Variants in OPCML observed in about 807,000 individuals in gnomAD.
OPCML encodes opioid-binding protein/cell adhesion molecule.
A neutral mutation model predicts 37.8 loss-of-function variants in OPCML; 13 were observed. That is an observed-to-expected ratio of 0.34 (90% CI 0.22 to 0.55). OPCML has a LOEUF of 0.55. Ranked by LOEUF, OPCML falls within the 20% of genes least tolerant of loss-of-function variation. The pLI is 0.91. For missense variants in OPCML, 341 were observed against 435.6 expected (o/e 0.78, Z 1.93); for synonymous variants, 176 against 168.8 (o/e 1.04, Z -0.33).
At chr11:132,600,839 CTTT>C (rs145586468) in intron 3 of OPCML, among the ~76,000 whole-genome samples, 1,731 of 94,004 alleles carry the variant, frequency 0.018, 19 homozygotes, top group South Asian at 0.12. Flanking sequence ...AAATAGTTAA[CTTT>C]TTTTTTTTTT....
chr11:132,937,595 GGTGTGTGTGTGTGTGTGTGT>G (rs58674976), intron 2 of OPCML, among the ~76,000 whole-genome samples: 4 of 88,828 alleles, frequency 4.5e-5, no homozygotes, highest in African/African-American at 1.5e-4. Flanking sequence ...GCGTGTGTGG[GGTGTGTGTGTGTGTGTGTGT>G]GTGTGTGTGT....
chr11:133,346,829 T>A (rs1944012627), intron 1 of OPCML, among the ~76,000 whole-genome samples: 1 of 152,214 alleles, frequency 6.6e-6, no homozygotes, highest in Non-Finnish European at 1.5e-5. Context: ...GGGTTTTCTG[T>A]GCATGTGTGT....
At chr11:132,904,155 T>C (rs1001073365) in intron 2 of OPCML, among the ~76,000 whole-genome samples, 8 of 152,068 alleles carry the variant, frequency 5.3e-5, no homozygotes, top group Non-Finnish European at 1.2e-4. Context: ...CTGGAAAAAA[T>C]CTTGGACACC....
intron 1 of OPCML, chr11:133,024,665 A>C (rs1947515667): frequency 2.3e-6 from 2 of 862,564 alleles, no homozygotes; most frequent in African/African-American, 3.7e-5. Context: ...GACAGTGGTG[A>C]AGATGTTTGG....
chr11:132,469,607 ATGTG>A (rs1457457898), intron 4 of OPCML, among the ~76,000 whole-genome samples: 1 of 100,290 alleles, frequency 1.0e-5, no homozygotes, highest in African/African-American at 4.1e-5. Context: ...GTGTATAGGC[ATGTG>A]TGTATGTGTG....
At chr11:132,633,289 A>G (rs1182818731) in intron 3 of OPCML, among the ~76,000 whole-genome samples, 1 of 148,900 alleles carries the variant, frequency 6.7e-6, no homozygotes, top group East Asian at 2.0e-4. Context: ...TGCAACCTCT[A>G]CCTCCTGGGT....
chr11:132,436,823 G>T, intron 5 of OPCML, 44 bp from the exon 6 acceptor site: 1 of 1,593,186 alleles, frequency 6.3e-7, no homozygotes, highest in Non-Finnish European at 8.6e-7. Flanking sequence ...ATGCACGCAC[G>T]CACACACAGA....
At chr11:132,453,459 G>A (rs1488121786) in intron 4 of OPCML, among the ~76,000 whole-genome samples, 2 of 152,130 alleles carry the variant, frequency 1.3e-5, no homozygotes, top group East Asian at 3.9e-4. Context: ...CCCAGGGCCG[G>A]GTGTAATTCC....
chr11:132,937,502 GTGTA>G (rs1945417221), intron 2 of OPCML, among the ~76,000 whole-genome samples: 2 of 151,328 alleles, frequency 1.3e-5, no homozygotes, highest in Admixed American at 1.3e-4. Flanking sequence ...GAGAGTGTGT[GTGTA>G]TGTGTGTCTG....
intron 1 of OPCML, among the ~76,000 whole-genome samples, chr11:133,023,489 C>G (rs976772121): frequency 2.6e-5 from 4 of 152,166 alleles, no homozygotes; most frequent in African/African-American, 9.7e-5. Context: ...CTATCCATCA[C>G]CTTACCACAC....
intron 2 of OPCML, among the ~76,000 whole-genome samples, chr11:132,749,604 G>T (rs1387704468): frequency 6.6e-6 from 1 of 152,124 alleles, no homozygotes; most frequent in African/African-American, 2.4e-5. Flanking sequence ...TATATTTGTG[G>T]TTGTCCTCAG....
chr11:133,311,482 A>G (rs1249064666), intron 1 of OPCML, among the ~76,000 whole-genome samples: 3 of 152,234 alleles, frequency 2.0e-5, no homozygotes, highest in African/African-American at 7.2e-5. Flanking sequence ...CAAAATGCTC[A>G]GCTGGTGTTC....
intron 4 of OPCML, among the ~76,000 whole-genome samples, chr11:132,507,568 G>A (rs1379994967): frequency 6.6e-6 from 1 of 151,092 alleles, no homozygotes; most frequent in Admixed American, 6.6e-5. Flanking sequence ...TTAATTCAAA[G>A]GTAAAATTTC....
At chr11:133,487,465 G>A (rs1947554145) in intron 1 of OPCML, among the ~76,000 whole-genome samples, 1 of 152,128 alleles carries the variant, frequency 6.6e-6, no homozygotes, top group Admixed American at 6.6e-5. Flanking sequence ...TCTCTGAGAA[G>A]ATTTCCTGAA....
chr11:133,163,453 C>G (rs1274041023), intron 1 of OPCML, among the ~76,000 whole-genome samples: 1 of 152,192 alleles, frequency 6.6e-6, no homozygotes, highest in African/African-American at 2.4e-5. Context: ...AAAGCAAAGG[C>G]TCATTCCTAC....
chr11:133,009,182 C>T (rs1479006660), intron 1 of OPCML: 1 of 985,212 alleles, frequency 1.0e-6, no homozygotes, highest in African/African-American at 1.7e-5. Context: ...GAAAAATACA[C>T]ATTGTCTCTA....
chr11:132,950,427 T>C (rs1471867388), intron 1 of OPCML, among the ~76,000 whole-genome samples: 2 of 152,146 alleles, frequency 1.3e-5, no homozygotes, highest in Non-Finnish European at 2.9e-5. Context: ...TACAACTACC[T>C]GTAATGAGGA....
At chr11:132,753,079 A>G (rs1239691048) in intron 2 of OPCML, among the ~76,000 whole-genome samples, 1 of 152,040 alleles carries the variant, frequency 6.6e-6, no homozygotes, top group African/African-American at 2.4e-5. Flanking sequence ...GATAAATTCC[A>G]TGGTCACCTT....
intron 3 of OPCML, among the ~76,000 whole-genome samples, chr11:132,600,050 G>T (rs1180301969): frequency 6.6e-6 from 1 of 152,192 alleles, no homozygotes. Context: ...TAAGGGAACA[G>T]GTATGGGCAG....
Sources: gnomAD v4.1 joint callset for allele counts (sites outside exome capture counted in the v4.1 genomes callset) on GRCh38, gnomAD v4.1.1 for gene constraint, MANE v1.5 for transcripts, NCBI Gene and HGNC (gene_info 2026-07-23, HGNC 2026-07-21) for gene names.